Variants in PLCL2 observed in about 807,000 individuals in gnomAD.
PLCL2 encodes phospholipase C like 2.
Under a neutral mutation model 79.6 loss-of-function variants are expected in PLCL2, and 4 were observed. The observed-to-expected ratio is 0.05, with a 90% CI of 0.02 to 0.11. The LOEUF (loss-of-function observed/expected upper bound fraction) is 0.11, where lower values mean the gene tolerates loss of function less well. Ranked by LOEUF, PLCL2 falls within the 10% of genes least tolerant of loss-of-function variation. The probability of loss-of-function intolerance (pLI) is 1.00; values close to 1 mark genes in which losing one functional copy is unlikely to be tolerated. For missense variants in PLCL2, 895 were observed against 1,291.0 expected (o/e 0.69, Z 4.70); for synonymous variants, 484 against 457.7 (o/e 1.06, Z -0.73).
intron 3 of PLCL2, among the ~76,000 whole-genome samples, chr3:17,015,332 C>T (rs2064372250): frequency 6.6e-6 from 1 of 152,170 alleles, no homozygotes; most frequent in East Asian, 1.9e-4. Flanking sequence ...GGGACAGGTG[C>T]CTGTATCACA....
chr3:16,913,486 T>G (rs933442541), intron 1 of PLCL2, among the ~76,000 whole-genome samples: 1 of 152,010 alleles, frequency 6.6e-6, no homozygotes, highest in African/African-American at 2.4e-5. Context: ...GCTGGGATTC[T>G]GTTATGATTA....
At position 17,010,222 on chromosome 3, in the gene PLCL2, T is replaced by C; in HGVS notation, c.876T>C (p.Ala292=). ...DNLGHITLCN[A]VQCIRNLNPG... is the part of the protein sequence containing the mutation. ...TTGGACATATAACTCTGTGTAATGC[T>C]GTGCAATGTATCAGAAACCTCAATC... The change falls in exon 2 of 6, where the codon GCT becomes GCC. Residue 292 remains alanine (A), a synonymous_variant. Coordinates refer to ENST00000615277, the MANE Select transcript of PLCL2 (RefSeq NM_001144382.2). This position sits in a 1 kb window ranked among gnomAD's most constrained non-coding sequence, Gnocchi z 5.8. The C allele has an allele frequency of 6.2e-7, 1 of 1,613,990 alleles. No individual in the cohort carries two copies. Among genetic ancestry groups the C allele is most frequent in the African/African-American group, 1.3e-5 (1 of 75,066 alleles).
At chr3:16,954,575 A>G (rs2063685888) in intron 1 of PLCL2, among the ~76,000 whole-genome samples, 1 of 152,042 alleles carries the variant, frequency 6.6e-6, no homozygotes, top group African/African-American at 2.4e-5. Flanking sequence ...TGGTATTTCT[A>G]GTTCTAGATC....
intron 1 of PLCL2, among the ~76,000 whole-genome samples, chr3:16,962,494 CAG>C (rs990020064): frequency 7.3e-5 from 11 of 150,306 alleles, no homozygotes; most frequent in African/African-American, 4.9e-5. Flanking sequence ...ATTAATAATT[CAG>C]AGTCAATTGT....
chr3:17,035,828 G>T, intron 3 of PLCL2: 1 of 506,692 alleles, frequency 2.0e-6, no homozygotes, highest in South Asian at 1.4e-5. Flanking sequence ...TTCAAGTCCT[G>T]GCCTTCCACA....
At chr3:17,040,718 G>A (rs1036139263) in intron 3 of PLCL2, among the ~76,000 whole-genome samples, 5 of 152,088 alleles carry the variant, frequency 3.3e-5, no homozygotes, top group African/African-American at 1.2e-4. Flanking sequence ...TAAATATCTT[G>A]TCCTAGATGA....
At chr3:16,917,937 TCCATAATG>T in intron 1 of PLCL2, among the ~76,000 whole-genome samples, 1 of 152,290 alleles carries the variant, frequency 6.6e-6, no homozygotes, top group Non-Finnish European at 1.5e-5. Flanking sequence ...ATGTTTTGAT[TCCATAATG>T]CCAGACTTCT....
chr3:16,983,498 G>C (rs182151907), intron 1 of PLCL2, among the ~76,000 whole-genome samples: 1 of 152,128 alleles, frequency 6.6e-6, no homozygotes, highest in Non-Finnish European at 1.5e-5. Flanking sequence ...GTGAAACCCC[G>C]TCTGTACCAA....
chr3:17,006,459 A>G (rs1158624448), intron 1 of PLCL2, among the ~76,000 whole-genome samples: 1 of 152,206 alleles, frequency 6.6e-6, no homozygotes, highest in Admixed American at 6.5e-5. Flanking sequence ...TGGTCCACCC[A>G]TTAAGGAGTG....
intron 1 of PLCL2, among the ~76,000 whole-genome samples, chr3:16,921,583 G>T (rs1697125408): frequency 6.6e-6 from 1 of 152,174 alleles, no homozygotes; most frequent in African/African-American, 2.4e-5. Flanking sequence ...GCTAGGTGAG[G>T]ATGTGAATGA....
chr3:17,090,109 G>T lies in PLCL2; in HGVS notation c.*197G>T. 1 of 1,285,282 alleles carries T rather than the reference G, an allele frequency of 7.8e-7. No individual in the cohort carries two copies. The highest frequency in any genetic ancestry group is 9.8e-7 in the Non-Finnish European group (1 of 1,016,706). The allele number at this position is 1,285,282 out of a possible 1,614,324, so 79.6% of individuals were successfully genotyped here. On this transcript the variant is annotated 3_prime_UTR_variant, in exon 6 of 6. Transcript: ENST00000615277. ...TGAAGGCAAATAAACTCTTTAACAG[G>T]CAATTATATTGCTGGCCAAAATATG...
intron 1 of PLCL2, among the ~76,000 whole-genome samples, chr3:16,991,692 A>AT (rs2064106936): frequency 6.6e-6 from 1 of 152,178 alleles, no homozygotes; most frequent in East Asian, 1.9e-4. Flanking sequence ...GTTGTATCTT[A>AT]TTTTTTATAG....
Position 17,090,009 on chromosome 3 carries a change from C to A in PLCL2, c.*97C>A. On this transcript the variant is annotated 3_prime_UTR_variant, in exon 6 of 6. Coordinates refer to ENST00000615277, the MANE Select transcript of PLCL2 (RefSeq NM_001144382.2). ...TGCACTCACTAATGAGAATAATATT[C>A]GGGATTTTAAAGCACAACTGGAATA... 7.0e-7 allele frequency: 1 copy of A among 1,428,816 alleles called. No individual in the cohort carries two copies. Among genetic ancestry groups the A allele is most frequent in the South Asian group, 1.6e-5 (1 of 61,158 alleles). 88.5% of individuals were successfully genotyped at this position (1,428,816 alleles called of 1,614,324 possible).
chr3:16,919,860 T>C (rs1475194368), intron 1 of PLCL2, among the ~76,000 whole-genome samples: 1 of 152,176 alleles, frequency 6.6e-6, no homozygotes, highest in African/African-American at 2.4e-5. Flanking sequence ...GAACATGGAC[T>C]TCTGAAATGG....
At chr3:16,975,664 C>T (rs892702569) in intron 1 of PLCL2, among the ~76,000 whole-genome samples, 1 of 151,924 alleles carries the variant, frequency 6.6e-6, no homozygotes, top group Non-Finnish European at 1.5e-5. Context: ...GGACGTGGGG[C>T]GGCAGGAGTG....
chr3:16,955,918 G>A (rs1040229370), intron 1 of PLCL2, among the ~76,000 whole-genome samples: 1 of 152,202 alleles, frequency 6.6e-6, no homozygotes, highest in Non-Finnish European at 1.5e-5. Flanking sequence ...TCAGCTTAAG[G>A]AGATTTTGGG....
intron 1 of PLCL2, among the ~76,000 whole-genome samples, chr3:16,970,453 G>A (rs1469380413): frequency 6.8e-6 from 1 of 146,910 alleles, no homozygotes; most frequent in African/African-American, 2.5e-5. Context: ...TCTTAATCCA[G>A]TCTATCATTG....
At chr3:16,972,830 G>C (rs1001377825) in intron 1 of PLCL2, among the ~76,000 whole-genome samples, 7 of 151,892 alleles carry the variant, frequency 4.6e-5, no homozygotes, top group Admixed American at 2.0e-4. Flanking sequence ...TTTTCCATTT[G>C]CTTGGTAGAT....
chr3:17,003,437 A>T (rs1285746624), intron 1 of PLCL2, among the ~76,000 whole-genome samples: 1 of 152,210 alleles, frequency 6.6e-6, no homozygotes, highest in Non-Finnish European at 1.5e-5. Flanking sequence ...GTTTACTCAG[A>T]GTTCCTGCTC....
Sources: allele counts gnomAD v4.1 joint callset (sites outside exome capture counted in the v4.1 genomes callset), GRCh38; gene constraint gnomAD v4.1.1; non-coding constraint Gnocchi (gnomAD v3.1); transcripts MANE v1.5; gene names NCBI Gene and HGNC (gene_info 2026-07-23, HGNC 2026-07-21).